EYA2: variants seen among roughly 807,000 people sequenced by gnomAD.
EYA2 encodes EYA transcriptional coactivator and phosphatase 2.
A neutral mutation model predicts 69.2 loss-of-function variants in EYA2; 31 were observed. The ratio of observed to expected loss-of-function variants is 0.45; its 90% CI spans 0.34 to 0.60. EYA2 has a LOEUF of 0.60. EYA2 is among the 20% of genes least tolerant of loss of function. The pLI, the probability that EYA2 is intolerant of heterozygous loss-of-function variation, is 0.02. For synonymous variants in EYA2, 257 were observed against 279.4 expected (o/e 0.92, Z 0.80); for missense variants, 622 against 701.2 (o/e 0.89, Z 1.28).
At chr20:47,149,191 G>A (rs1159287490) in intron 10 of EYA2, among the ~76,000 whole-genome samples, 2 of 152,120 alleles carry the variant, frequency 1.3e-5, no homozygotes, top group African/African-American at 4.8e-5. Context: ...TATAGGCAGT[G>A]TGATTAAAGA....
At chr20:46,947,947 T>C (rs1978561937) in intron 1 of EYA2, among the ~76,000 whole-genome samples, 1 of 151,944 alleles carries the variant, frequency 6.6e-6, no homozygotes. Context: ...TGAGACCTCA[T>C]GTCTACAAAA....
chr20:47,166,393 TAAAAAAAAAAAAAAAA>T (rs370944686), intron 10 of EYA2, among the ~76,000 whole-genome samples: 1,738 of 34,536 alleles, frequency 0.05, 129 homozygotes, highest in African/African-American at 0.11. Flanking sequence ...CAAGACTGTC[TAAAAAAAAAAAAAAAA>T]AAAAAAAAAA....
intron 1 of EYA2, among the ~76,000 whole-genome samples, chr20:46,909,280 A>G (rs1053341491): frequency 3.9e-5 from 6 of 152,172 alleles, no homozygotes; most frequent in African/African-American, 1.4e-4. Flanking sequence ...CAATGGCTAC[A>G]GACAAAAGGG....
At chr20:46,921,391 G>A (rs969193165) in intron 1 of EYA2, among the ~76,000 whole-genome samples, 6 of 152,230 alleles carry the variant, frequency 3.9e-5, no homozygotes, top group Admixed American at 2.0e-4. Flanking sequence ...TCTGCAGTAC[G>A]TGATGCTTAT....
chr20:47,172,568 T>A, intron 11 of EYA2, 139 bp from the exon 12 acceptor site: 1 of 757,966 alleles, frequency 1.3e-6, no homozygotes, highest in Admixed American at 2.7e-5. Context: ...AAATGCACAC[T>A]CGCAGCACCC....
chr20:47,165,301 C>G (rs1358333907), intron 10 of EYA2, among the ~76,000 whole-genome samples: 1 of 152,104 alleles, frequency 6.6e-6, no homozygotes, highest in African/African-American at 2.4e-5. Context: ...TAATCAGAGT[C>G]CTGGGTAAAT....
At chr20:47,187,427 G>A (rs2034668267) in intron 15 of EYA2, among the ~76,000 whole-genome samples, 1 of 151,386 alleles carries the variant, frequency 6.6e-6, no homozygotes, top group Non-Finnish European at 1.5e-5. Context: ...GCAAAGAAAA[G>A]GAAAAGATAA....
intron 8 of EYA2, among the ~76,000 whole-genome samples, 160 bp downstream of exon 8, chr20:47,089,541 C>T (rs1032846782): frequency 2.0e-5 from 3 of 152,154 alleles, no homozygotes; most frequent in Admixed American, 6.5e-5. Flanking sequence ...AGCAGGTAGT[C>T]CTGGGGCCAG....
At chr20:46,981,958 G>C (rs1980862278) in intron 1 of EYA2, among the ~76,000 whole-genome samples, 1 of 151,998 alleles carries the variant, frequency 6.6e-6, no homozygotes, top group Non-Finnish European at 1.5e-5. Context: ...TATTCTTTAA[G>C]TGGTTATCCT....
At position 46,997,955 on chromosome 20, in the gene EYA2, C is replaced by G. The variant is rs1170834939; in HGVS notation, c.110-3473C>G. 4 of 152,392 alleles carry G rather than the reference C, an allele frequency of 2.6e-5. No homozygotes were observed. In the East Asian group the frequency reaches 5.8e-4, roughly 22 times the overall value. The allele number at this position is 152,392 out of a possible 1,614,324, so 9.4% of individuals were successfully genotyped here. The stretch of plus-strand genomic sequence containing the variant: ...GTTTGAGATGAGGGTGACCTACTCC[C>G]TTTAGATTTCCAGCATGCCATCTGC... On this transcript the variant is annotated intron_variant, in intron 2 of 15. Coordinates refer to ENST00000327619, the MANE Select transcript of EYA2 (RefSeq NM_005244.5).
intron 1 of EYA2, among the ~76,000 whole-genome samples, chr20:46,986,133 G>A (rs1207966465): frequency 6.6e-6 from 1 of 151,920 alleles, no homozygotes; most frequent in Non-Finnish European, 1.5e-5. Flanking sequence ...ATGCTTTGAT[G>A]TATTAGAGGG....
At chr20:46,957,434 T>C (rs2146283187) in intron 1 of EYA2, among the ~76,000 whole-genome samples, 1 of 152,160 alleles carries the variant, frequency 6.6e-6, no homozygotes, top group African/African-American at 2.4e-5. Flanking sequence ...TGGGATTCAG[T>C]TAAGGATCTT....
intron 1 of EYA2, among the ~76,000 whole-genome samples, chr20:46,928,445 A>G (rs1985508723): frequency 6.6e-6 from 1 of 152,222 alleles, no homozygotes; most frequent in Non-Finnish European, 1.5e-5. Context: ...TGAGTGCCTT[A>G]CAGGTCTCAT....
chr20:47,086,529 A>G (rs1410410821), intron 7 of EYA2, among the ~76,000 whole-genome samples: 3 of 136,594 alleles, frequency 2.2e-5, no homozygotes, highest in African/African-American at 7.3e-5. Flanking sequence ...AGAGCAGGAA[A>G]AGGAGGGGGT....
intron 4 of EYA2, 133 bp downstream of exon 4, chr20:47,005,217 AGAG>A: frequency 1.0e-6 from 1 of 990,718 alleles, no homozygotes; most frequent in Non-Finnish European, 1.5e-6. Flanking sequence ...TAAAGGGAAA[AGAG>A]TAACACTTTA....
intron 10 of EYA2, among the ~76,000 whole-genome samples, chr20:47,162,577 G>A (rs2034091460): frequency 6.8e-6 from 1 of 146,202 alleles, no homozygotes; most frequent in Non-Finnish European, 1.5e-5. Context: ...AAGTACAGTG[G>A]TGCGATCATA....
At chr20:47,008,714 G>T (rs1982880474) in intron 4 of EYA2, among the ~76,000 whole-genome samples, 1 of 152,192 alleles carries the variant, frequency 6.6e-6, no homozygotes, top group Admixed American at 6.5e-5. Flanking sequence ...ACATGTCCTG[G>T]AATTCTGCTG....
At chr20:46,992,885 G>C (rs1042098748) in intron 2 of EYA2, among the ~76,000 whole-genome samples, 1 of 152,126 alleles carries the variant, frequency 6.6e-6, no homozygotes, top group Admixed American at 6.5e-5. Context: ...CCCAAGTGCT[G>C]GATTATGCCT....
intron 14 of EYA2, among the ~76,000 whole-genome samples, chr20:47,181,891 A>G (rs2034544551): frequency 6.6e-6 from 1 of 151,574 alleles, no homozygotes; most frequent in Admixed American, 6.6e-5. Context: ...CTGTCTTTTC[A>G]TTTTTCCCAT....
Sources: gnomAD v4.1 joint callset for allele counts (sites outside exome capture counted in the v4.1 genomes callset) on GRCh38, gnomAD v4.1.1 for gene constraint, MANE v1.5 for transcripts, NCBI Gene and HGNC (gene_info 2026-07-23, HGNC 2026-07-21) for gene names.